NCKAP5: variants seen among roughly 807,000 people sequenced by gnomAD.
NCKAP5 encodes the protein NCK associated protein 5, also known as nck-associated protein 5.
NCKAP5 carries 92 observed loss-of-function variants against 167.0 expected under a neutral mutation model. The observed-to-expected ratio is 0.55, with a 90% CI of 0.47 to 0.66. The LOEUF is 0.66. Among genes scored for constraint, NCKAP5 ranks in the 30% least tolerant of loss-of-function variants. The pLI, the probability that NCKAP5 is intolerant of heterozygous loss-of-function variation, is 0.00. For missense variants in NCKAP5, 2,378 were observed against 2,315.0 expected (o/e 1.03, Z -0.56); for synonymous variants, 891 against 877.4 (o/e 1.02, Z -0.27).
intron 19 of NCKAP5, among the ~76,000 whole-genome samples, chr2:132,674,702 T>C (rs1317153921): frequency 6.6e-6 from 1 of 152,120 alleles, no homozygotes; most frequent in Non-Finnish European, 1.5e-5. Context: ...AAGAGAGAGA[T>C]GGAAGTGGAT....
intron 3 of NCKAP5, among the ~76,000 whole-genome samples, chr2:133,328,920 T>C (rs530393645): frequency 4.6e-5 from 7 of 152,238 alleles, no homozygotes; most frequent in Non-Finnish European, 1.0e-4. Flanking sequence ...AGGGTGTCCA[T>C]AATCTTAGAA....
chr2:133,518,147 T>C (rs1258082538), intron 2 of NCKAP5, among the ~76,000 whole-genome samples: 1 of 152,118 alleles, frequency 6.6e-6, no homozygotes, highest in Non-Finnish European at 1.5e-5. Flanking sequence ...GTCATTACTG[T>C]CAATGAGTAT....
chr2:133,506,101 C>T (rs897379425), intron 3 of NCKAP5, among the ~76,000 whole-genome samples: 2 of 152,168 alleles, frequency 1.3e-5, no homozygotes, highest in Non-Finnish European at 2.9e-5. Flanking sequence ...ATGCAGTGAT[C>T]GATCCACTAG....
chr2:133,232,602 T>C (rs1361286575), intron 4 of NCKAP5, among the ~76,000 whole-genome samples: 3 of 152,026 alleles, frequency 2.0e-5, no homozygotes, highest in South Asian at 2.1e-4. Context: ...GACACCTTGA[T>C]AAATTAAAGA....
At position 132,783,652 on chromosome 2, in the gene NCKAP5, T is replaced by C; in HGVS notation, c.3159A>G (p.Thr1053=). The change falls in exon 14 of 20, where the codon ACA becomes ACG. Residue 1053 remains threonine, a synonymous_variant. Coordinates refer to ENST00000409261, the MANE Select transcript of NCKAP5 (RefSeq NM_207363.3). ...RGVPKTSPRQ[T]LGTPQRDIGL... is the part of the protein sequence containing the mutation. ...CTATGTCCCTTTGTGGGGTCCCAAG[T>C]GTTTGGCGAGGAGAGGTTTTGGGGA... is the stretch of plus-strand genomic sequence containing the variant. 6.2e-7 allele frequency: 1 copy of C among 1,613,620 alleles called. No individual in the cohort carries two copies. The highest frequency in any genetic ancestry group is 8.5e-7 in the Non-Finnish European group (1 of 1,179,810).
chr2:132,841,812 T>A (rs1428896266), intron 11 of NCKAP5, among the ~76,000 whole-genome samples: 1 of 152,166 alleles, frequency 6.6e-6, no homozygotes, highest in African/African-American at 2.4e-5. Flanking sequence ...CACTGTATTA[T>A]GTTGATATAT....
At chr2:133,377,200 T>C (rs552230009) in intron 3 of NCKAP5, among the ~76,000 whole-genome samples, 36 of 152,312 alleles carry the variant, frequency 2.4e-4, no homozygotes, top group Non-Finnish European at 2.9e-4. Flanking sequence ...ATTTCTTATT[T>C]TAGGTTAATA....
chr2:133,479,455 T>C (rs112389493), intron 3 of NCKAP5, among the ~76,000 whole-genome samples: 4,569 of 152,284 alleles, frequency 0.03, 101 homozygotes, highest in Non-Finnish European at 0.047. Context: ...CTGATGTTTC[T>C]CCACCATGGA....
intron 6 of NCKAP5, among the ~76,000 whole-genome samples, chr2:133,099,289 G>A (rs1462803622): frequency 1.3e-5 from 2 of 152,044 alleles, no homozygotes; most frequent in African/African-American, 4.8e-5. Context: ...TTTACCCAGT[G>A]GTCTCCACGG....
chr2:133,285,741 G>A (rs1032019671), intron 4 of NCKAP5, among the ~76,000 whole-genome samples: 4 of 152,160 alleles, frequency 2.6e-5, no homozygotes, highest in Admixed American at 1.3e-4. Flanking sequence ...TCTACAGCAG[G>A]ACACCCAAAA....
intron 19 of NCKAP5, among the ~76,000 whole-genome samples, chr2:132,713,528 G>A (rs1689062570): frequency 6.6e-6 from 1 of 152,190 alleles, no homozygotes; most frequent in Non-Finnish European, 1.5e-5. Context: ...ATGGGACACT[G>A]TGGTGCAATG....
At chr2:133,090,870 C>T (rs1368300021) in intron 6 of NCKAP5, among the ~76,000 whole-genome samples, 2 of 152,122 alleles carry the variant, frequency 1.3e-5, no homozygotes, top group Non-Finnish European at 2.9e-5. Flanking sequence ...CTGTCCTTCC[C>T]AGGTAATACC....
chr2:132,783,412 AC>A lies in NCKAP5; in HGVS notation c.3398del (p.Gly1133ValfsTer10), dbSNP rs1323324174. 6.3e-7 allele frequency: 1 copy of A among 1,593,392 alleles called. No homozygotes were observed. Among genetic ancestry groups the A allele is most frequent in the African/African-American group, 1.3e-5 (1 of 74,234 alleles). On this transcript the variant is annotated frameshift_variant, in exon 14 of 20. Coordinates refer to ENST00000409261, the MANE Select transcript of NCKAP5 (RefSeq NM_207363.3). LOFTEE classifies it high-confidence loss of function. The stretch of plus-strand genomic sequence containing the variant: ...GTCCTTTCTCATGAGCACTTTGACA[AC>A]CATGAGGGCTGTTATGGCTTTTGGC... ...SPAKSHNSPH[G>X]CQSAHEKGLK...
chr2:132,821,678 G>A (rs141445848), intron 11 of NCKAP5, among the ~76,000 whole-genome samples: 257 of 152,236 alleles, frequency 1.7e-3, no homozygotes, highest in African/African-American at 6.0e-3. Flanking sequence ...CACAGTCTGG[G>A]GCAAAGTGTG....
At chr2:133,186,583 G>A (rs2084956572) in intron 5 of NCKAP5, among the ~76,000 whole-genome samples, 1 of 151,954 alleles carries the variant, frequency 6.6e-6, no homozygotes, top group African/African-American at 2.4e-5. Context: ...TCTGGTCCAG[G>A]GCTCTTTTGA....
intron 11 of NCKAP5, among the ~76,000 whole-genome samples, chr2:132,817,290 C>T (rs1172361124): frequency 6.6e-6 from 1 of 152,192 alleles, no homozygotes; most frequent in Non-Finnish European, 1.5e-5. Context: ...GATGTTGGCT[C>T]TTACAGAATT....
Position 132,736,327 on chromosome 2 carries a change from C to T in NCKAP5, c.5129-4276G>A, listed in dbSNP as rs1275198040. ...TGCAGTTCATAAAAATATTGTAACCCGAATTACAAGTGTTAAGATATTGTA... is the reference window on the plus strand; with the variant it reads ...TGCAGTTCATAAAAATATTGTAACCTGAATTACAAGTGTTAAGATATTGTA... On this transcript the variant is annotated intron_variant, in intron 16 of 19. Transcript: ENST00000409261. Among the ~76,000 whole-genome samples, 7 of 152,074 alleles carry T rather than the reference C, an allele frequency of 4.6e-5. No individual in the cohort carries two copies. In the South Asian group the frequency reaches 8.3e-4, roughly 18 times the overall value.
chr2:133,032,515 C>A (rs1336868009), intron 6 of NCKAP5, among the ~76,000 whole-genome samples: 1 of 152,138 alleles, frequency 6.6e-6, no homozygotes, highest in Non-Finnish European at 1.5e-5. Context: ...ACTTATGGAC[C>A]CACCTAGGGG....
chr2:133,442,089 A>C (rs953143331), intron 3 of NCKAP5, among the ~76,000 whole-genome samples: 2 of 152,202 alleles, frequency 1.3e-5, no homozygotes, highest in African/African-American at 4.8e-5. Flanking sequence ...GAATGTGGAG[A>C]ACAGCAAGTT....
Sources: gnomAD v4.1 joint callset for allele counts (sites outside exome capture counted in the v4.1 genomes callset) on GRCh38, gnomAD v4.1.1 for gene constraint, MANE v1.5 for transcripts, NCBI Gene and HGNC (gene_info 2026-07-23, HGNC 2026-07-21) for gene names.